The following GOLGA3 variants were observed in gnomAD, a reference collection of about 807,000 sequenced individuals.
GOLGA3 encodes the protein golgin A3.
In GOLGA3, 75 loss-of-function variants were observed where a neutral mutation model predicts 169.4. That is an observed-to-expected ratio of 0.44 (90% CI 0.37 to 0.54). The LOEUF (loss-of-function observed/expected upper bound fraction) is 0.54. GOLGA3 is among the 20% of genes least tolerant of loss of function. The probability of loss-of-function intolerance (pLI) is 0.00; values close to 1 mark genes in which losing one functional copy is unlikely to be tolerated. For missense variants in GOLGA3, 1,899 were observed against 1,930.0 expected, an observed-to-expected ratio of 0.98 and a Z score of 0.30; for synonymous variants, 824 against 822.4, an observed-to-expected ratio of 1.00 and a Z score of -0.03.
chr12:132,812,966 T>A (rs1949788234), intron 4 of GOLGA3, among the ~76,000 whole-genome samples: 1 of 152,200 alleles, frequency 6.6e-6, no homozygotes, highest in African/African-American at 2.4e-5. Context: ...GGTACATCAG[T>A]TTTATTTAGA....
At position 132,777,974 on chromosome 12, in the gene GOLGA3, C is replaced by T. The variant is rs950823108; in HGVS notation, c.3583-169G>A. ...CTTGTAAAGATGAAACCACCTGACC[C>T]GGAGCTCGGCACGCAGCAAGTGCAC... On this transcript the variant is annotated intron_variant, in intron 18 of 23. Coordinates refer to ENST00000450791, the MANE Select transcript of GOLGA3 (RefSeq NM_001389683.1). The surrounding 1 kb of genome is among the most constrained non-coding windows in gnomAD (Gnocchi z 4.7). Among the ~76,000 whole-genome samples the T allele has an allele frequency of 6.6e-6, 1 of 152,220 alleles. No homozygotes were observed. Among genetic ancestry groups the T allele is most frequent in the Non-Finnish European group, 1.5e-5 (1 of 68,036 alleles).
intron 15 of GOLGA3, among the ~76,000 whole-genome samples, chr12:132,784,645 C>T (rs550024720): frequency 4.8e-4 from 73 of 152,240 alleles, no homozygotes; most frequent in African/African-American, 1.6e-3. Flanking sequence ...CACATGCTCA[C>T]GCACCACACA....
chr12:132,821,896 G>C, intron 2 of GOLGA3, 100 bp downstream of exon 2: 1 of 672,030 alleles, frequency 1.5e-6, no homozygotes, highest in Admixed American at 3.0e-5. Context: ...TAAGTGAAAA[G>C]CTCACAGTGG....
rs63011561 is a variant in GOLGA3, at chr12:132,771,847, T to TCTCCTC, written c.*1252_*1257dup. Reference sequence around the variant, plus strand: ...TCGCTGCAGGGAGCCCCTGGTCTGCTCTCCTCCTCCTCCTCCACCGGCCTC... The same window carrying TCTCCTC: ...TCGCTGCAGGGAGCCCCTGGTCTGCTCTCCTCCTCCTCCTCCTCCTCCACCGGCCTC... On this transcript the variant is annotated 3_prime_UTR_variant, in exon 24 of 24. Transcript: ENST00000450791. 3.3e-5 allele frequency: 5 copies of TCTCCTC among 152,430 alleles called. No individual in the cohort carries two copies. The highest frequency in any genetic ancestry group is 7.3e-5 in the Non-Finnish European group (5 of 68,256). The allele number at this position is 152,430 out of a possible 1,614,324, so 9.4% of individuals were successfully genotyped here. A position where few individuals can be genotyped will look rare whatever the true frequency, so the allele number is the denominator to read the frequency against.
intron 15 of GOLGA3, among the ~76,000 whole-genome samples, chr12:132,785,170 T>G (rs2045831248): frequency 6.6e-6 from 1 of 152,328 alleles, no homozygotes; most frequent in African/African-American, 2.4e-5. Flanking sequence ...ATTCCTCAGC[T>G]GCAACAGCGT....
At chr12:132,796,377 G>A (rs1051930422) in intron 10 of GOLGA3, among the ~76,000 whole-genome samples, 157 bp from the exon 11 acceptor site, 1 of 152,190 alleles carries the variant, frequency 6.6e-6, no homozygotes, top group Non-Finnish European at 1.5e-5. Flanking sequence ...GGCAAACACA[G>A]GGTCAGGTCT....
chr12:132,819,940 G>A (rs756065457), intron 2 of GOLGA3, among the ~76,000 whole-genome samples: 9 of 152,256 alleles, frequency 5.9e-5, no homozygotes, highest in Non-Finnish European at 1.2e-4. Flanking sequence ...AGCACTTTGG[G>A]AGGCCAAGGT....
chr12:132,810,694 G>A (rs886702209), intron 4 of GOLGA3, among the ~76,000 whole-genome samples: 16 of 152,154 alleles, frequency 1.1e-4, no homozygotes, highest in African/African-American at 3.4e-4. Flanking sequence ...CTGGGAAGAC[G>A]CCCATTGCCA....
chr12:132,799,279 A>C (rs1949019010), intron 8 of GOLGA3, among the ~76,000 whole-genome samples: 1 of 152,228 alleles, frequency 6.6e-6, no homozygotes, highest in African/African-American at 2.4e-5. Flanking sequence ...CTGGGAATGA[A>C]GGGATACATT....
intron 2 of GOLGA3, among the ~76,000 whole-genome samples, chr12:132,821,407 CG>C (rs1263598003): frequency 3.7e-4 from 4 of 10,670 alleles, no homozygotes; most frequent in Non-Finnish European, 1.0e-3. Context: ...AACTCCACGT[CG>C]AAAAAAAAAA....
At chr12:132,774,789 A>T (rs895981074) in intron 22 of GOLGA3, 17 of 466,512 alleles carry the variant, frequency 3.6e-5, no homozygotes, top group Non-Finnish European at 6.0e-5. Flanking sequence ...GAAAACATGG[A>T]TGTGGACCGA....
Position 132,812,192 on chromosome 12 carries a change from T to TACACACACACACAC in GOLGA3, c.519+1101_519+1114dup, listed in dbSNP as rs140337948. On this transcript the variant is annotated intron_variant, in intron 4 of 23. Coordinates refer to ENST00000450791, the MANE Select transcript of GOLGA3 (RefSeq NM_001389683.1). The stretch of plus-strand genomic sequence containing the variant: ...GACAAAGCGAGATTCTGTCTCAAAA[T>TACACACACACACAC]ACACACACACACACACACACATATA... Among the ~76,000 whole-genome samples the TACACACACACACAC allele has an allele frequency of 2.1e-3, 278 of 135,064 alleles. 1 individual carries two copies. The highest frequency in any genetic ancestry group is 3.1e-3 in the Admixed American group (40 of 12,922). The allele number at this position is 135,064 out of a possible 152,430, so 88.6% of individuals were successfully genotyped here.
intron 1 of GOLGA3, among the ~76,000 whole-genome samples, chr12:132,827,346 TG>T (rs1478562076): frequency 1.3e-5 from 2 of 152,182 alleles, no homozygotes; most frequent in Middle Eastern, 6.3e-3. Flanking sequence ...AGGGCAGGCT[TG>T]GAAGTCAGGA....
chr12:132,785,091 T>G (rs941292586), intron 15 of GOLGA3, among the ~76,000 whole-genome samples: 1 of 152,196 alleles, frequency 6.6e-6, no homozygotes, highest in African/African-American at 2.4e-5. Flanking sequence ...GGTGAGAAAT[T>G]TGCCAAAAGT....
intron 6 of GOLGA3, among the ~76,000 whole-genome samples, 198 bp from the exon 7 acceptor site, chr12:132,805,220 C>G (rs1479526023): frequency 7.8e-6 from 1 of 128,242 alleles, no homozygotes; most frequent in Admixed American, 8.0e-5. Context: ...CCCCAAGACC[C>G]CCAGGCGCTC....
In GOLGA3 at chr12:132,816,787, C is replaced by T. The variant is rs770172245; in HGVS notation, c.159G>A (p.Thr53=). Residue 53 remains threonine (T), a synonymous_variant, in exon 3 of 24, where the codon ACG becomes ACA. Coordinates refer to ENST00000450791, the MANE Select transcript of GOLGA3 (RefSeq NM_001389683.1). ...CAGGTCCATCCGGGCTTTCCCCTTC[C>T]GTGGATGCTCTGTTTACCTCGGCAC... ...VQCAEVNRAS[T]EGESPDGPGQ... 9 of 1,603,316 alleles carry T rather than the reference C, an allele frequency of 5.6e-6. No individual in the cohort carries two copies. Among genetic ancestry groups the T allele is most frequent in the East Asian group, 4.5e-5 (2 of 44,604 alleles).
Position 132,776,694 on chromosome 12 carries a change from C to A in GOLGA3, c.3918G>T (p.Gln1306His), listed in dbSNP as rs749140817. 6.2e-7 allele frequency: 1 copy of A among 1,614,162 alleles called. No homozygotes were observed. The highest frequency in any genetic ancestry group is 1.1e-5 in the South Asian group (1 of 91,086). ...TGCCCTGCTGCTCCGTCAAGTCCAGCTGCTGCTTCAAGGACTGGATTTCTC... is the reference window on the plus strand; with the variant it reads ...TGCCCTGCTGCTCCGTCAAGTCCAGATGCTGCTTCAAGGACTGGATTTCTC... ...KEREIQSLKQ[Q>H]LDLTEQQGRK... The change falls in exon 21 of 24, where the codon CAG becomes CAT. Residue 1306 changes from glutamine (Q) to histidine (H), a missense_variant. Gln to His is a conservative substitution (Grantham distance 24, BLOSUM62 0). Coordinates refer to ENST00000450791, the MANE Select transcript of GOLGA3 (RefSeq NM_001389683.1).
At chr12:132,812,631 T>C (rs764075504) in intron 4 of GOLGA3, among the ~76,000 whole-genome samples, 4 of 152,200 alleles carry the variant, frequency 2.6e-5, no homozygotes, top group Non-Finnish European at 5.9e-5. Flanking sequence ...TGACTGCAGA[T>C]GTGGTGGAAA....
In GOLGA3 at chr12:132,769,150, G is replaced by A. The variant is rs1026908810; in HGVS notation, c.*3955C>T. 6.6e-6 allele frequency: 1 copy of A among 152,224 alleles called. No individual in the cohort carries two copies. The highest frequency in any genetic ancestry group is 2.4e-5 in the African/African-American group (1 of 41,454). 9.4% of individuals were successfully genotyped at this position (152,224 alleles called of 1,614,324 possible). ...ACACATTTCCCTCCGGATCCTGTGA[G>A]AGCCTGAGATCACTTATGACGAGAT... On this transcript the variant is annotated 3_prime_UTR_variant, in exon 24 of 24. Transcript: ENST00000450791.
Sources: gnomAD v4.1 joint callset for allele counts (sites outside exome capture counted in the v4.1 genomes callset) on GRCh38, gnomAD v4.1.1 for gene constraint, Gnocchi (gnomAD v3.1) non-coding constraint, MANE v1.5 for transcripts, NCBI Gene and HGNC (gene_info 2026-07-23, HGNC 2026-07-21) for gene names.